IFT57: variants seen among roughly 807,000 people sequenced by gnomAD.
IFT57 encodes intraflagellar transport protein 57 homolog.
Under a neutral mutation model 56.8 loss-of-function variants are expected in IFT57, and 59 were observed. The observed-to-expected ratio is 1.04, with a 90% CI of 0.84 to 1.29. IFT57 has a LOEUF of 1.29. IFT57 is among the 50% of genes most tolerant of loss of function. The pLI is 0.00. For missense variants in IFT57, 470 were observed against 522.1 expected (o/e 0.90, Z 0.97); for synonymous variants, 209 against 186.1 (o/e 1.12, Z -1.00).
rs954011813 is a variant in IFT57 at position 108,175,062 on chromosome 3, G to T, written c.778-7198C>A. On this transcript the variant is annotated intron_variant, in intron 6 of 10. Coordinates refer to ENST00000264538, the MANE Select transcript of IFT57 (RefSeq NM_018010.4). ...GCAATCTCAAAACAGTGTATTTTCC[G>T]CATATTACATAATGCTTTTTTGGGG... Among the ~76,000 whole-genome samples the T allele has an allele frequency of 2.0e-5, 3 of 151,716 alleles. No homozygotes were observed. In the South Asian group the frequency reaches 6.2e-4, roughly 32 times the overall value.
Position 108,170,073 on chromosome 3 carries a change from C to T in IFT57, c.778-2209G>A, listed in dbSNP as rs576269421. Among the ~76,000 whole-genome samples, 133 of 152,112 alleles carry T rather than the reference C, an allele frequency of 8.7e-4. 2 individuals are homozygous for T. The highest frequency in any genetic ancestry group is 1.8e-3 in the Admixed American group (27 of 15,258). On this transcript the variant is annotated intron_variant, in intron 6 of 10. Transcript: ENST00000264538. The stretch of plus-strand genomic sequence containing the variant: ...AATGGGCAAAAGCTGGAAGCATTCC[C>T]TTTGAAAACCGGAAAAAGACAAGCA...
intron 9 of IFT57, 54 bp from the exon 10 acceptor site, chr3:108,163,783 T>A: frequency 8.9e-7 from 1 of 1,127,310 alleles, no homozygotes; most frequent in South Asian, 1.3e-5. Context: ...CTTTCACAAT[T>A]TTTGAATTAT....
intron 3 of IFT57, among the ~76,000 whole-genome samples, chr3:108,214,761 T>G (rs1054744613): frequency 6.6e-6 from 1 of 152,170 alleles, no homozygotes; most frequent in South Asian, 2.1e-4. Context: ...AGGTGAAATG[T>G]CTATTTATAC....
chr3:108,205,236 T>C (rs1486687900), intron 5 of IFT57, among the ~76,000 whole-genome samples: 1 of 152,144 alleles, frequency 6.6e-6, no homozygotes, highest in Non-Finnish European at 1.5e-5. Context: ...GATATTATTA[T>C]AGTGTTTTAC....
At chr3:108,186,250 T>C (rs1267947467) in intron 6 of IFT57, among the ~76,000 whole-genome samples, 2 of 151,450 alleles carry the variant, frequency 1.3e-5, no homozygotes, top group African/African-American at 4.9e-5. Flanking sequence ...CTGTGCCAGA[T>C]GTTGTGCAGG....
rs1204278117 is a variant in IFT57 at position 108,187,954 on chromosome 3, T to TTA, written c.777+3566_777+3567insTA. Among the ~76,000 whole-genome samples, 23 of 152,028 alleles carry TTA rather than the reference T, an allele frequency of 1.5e-4. No individual in the cohort carries two copies. The South Asian group carries it at 1.7e-3, about 11-fold the overall frequency. The stretch of plus-strand genomic sequence containing the variant: ...AACAAAGGTTTTTGTTTTTTTTTTT[T>TTA]ATACTTTAAGTTTCAGGGTACATGT... On this transcript the variant is annotated intron_variant, in intron 6 of 10. Coordinates refer to ENST00000264538, the MANE Select transcript of IFT57 (RefSeq NM_018010.4).
intron 6 of IFT57, among the ~76,000 whole-genome samples, chr3:108,189,617 C>A (rs2080203969): frequency 6.6e-6 from 1 of 151,958 alleles, no homozygotes; most frequent in Non-Finnish European, 1.5e-5. Context: ...GTCTCTTTAG[C>A]CCCTTTTGTA....
chr3:108,218,910 CTTAT>C (rs1427656468), intron 2 of IFT57, among the ~76,000 whole-genome samples: 4 of 152,036 alleles, frequency 2.6e-5, no homozygotes, highest in Non-Finnish European at 5.9e-5. Flanking sequence ...AATTATTGAT[CTTAT>C]TAGAGTGAAA....
intron 8 of IFT57, 41 bp from the exon 9 acceptor site, chr3:108,165,534 A>C: frequency 6.6e-7 from 1 of 1,516,572 alleles, no homozygotes; most frequent in Non-Finnish European, 9.2e-7. Context: ...AATTCAAAGC[A>C]GCAGCAGATT....
chr3:108,222,085 G>A (rs1353235821), intron 1 of IFT57, 26 bp downstream of exon 1: 4 of 1,567,100 alleles, frequency 2.6e-6, no homozygotes, highest in Admixed American at 3.7e-5. Flanking sequence ...GCAGGCACCC[G>A]GGCGCTCGGG....
chr3:108,208,021 C>T (rs2080322716), intron 4 of IFT57, among the ~76,000 whole-genome samples: 2 of 144,484 alleles, frequency 1.4e-5, no homozygotes, highest in South Asian at 2.2e-4. Flanking sequence ...CCAGCCTGGG[C>T]GACAGAGCGA....
chr3:108,219,214 C>A (rs2080391275), intron 2 of IFT57, among the ~76,000 whole-genome samples, 196 bp downstream of exon 2: 1 of 151,594 alleles, frequency 6.6e-6, no homozygotes. Flanking sequence ...TTACTTTGGA[C>A]TAATAAAGAG....
chr3:108,170,761 G>A (rs2080088333), intron 6 of IFT57, among the ~76,000 whole-genome samples: 1 of 150,270 alleles, frequency 6.7e-6, no homozygotes, highest in South Asian at 2.1e-4. Context: ...ATGCTACAAG[G>A]CTACAGTAAC....
At chr3:108,170,592 T>G (rs929652836) in intron 6 of IFT57, among the ~76,000 whole-genome samples, 23 of 151,734 alleles carry the variant, frequency 1.5e-4, no homozygotes, top group African/African-American at 5.6e-4. Context: ...ATTTATAGAT[T>G]CAATGCTTTT....
chr3:108,204,715 C>CA (rs1170145906), intron 5 of IFT57, among the ~76,000 whole-genome samples: 1 of 152,188 alleles, frequency 6.6e-6, no homozygotes, highest in Non-Finnish European at 1.5e-5. Flanking sequence ...AGGCAGGAAT[C>CA]AAAACATATC....
chr3:108,177,505 T>A (rs1577049563), intron 6 of IFT57, among the ~76,000 whole-genome samples: 2 of 151,800 alleles, frequency 1.3e-5, no homozygotes, highest in Admixed American at 1.3e-4. Flanking sequence ...GAGGATAATA[T>A]ATCATAATCA....
At chr3:108,176,993 C>T (rs886341356) in intron 6 of IFT57, among the ~76,000 whole-genome samples, 12 of 151,734 alleles carry the variant, frequency 7.9e-5, no homozygotes, top group African/African-American at 2.7e-4. Context: ...AGACTGTAAA[C>T]TCACACAGGT....
intron 5 of IFT57, among the ~76,000 whole-genome samples, chr3:108,201,061 G>A (rs2080276229): frequency 6.6e-6 from 1 of 152,082 alleles, no homozygotes. Context: ...AACAAGACTG[G>A]GTAGAATTAT....
chr3:108,196,171 GTT>G (rs1444124814), intron 5 of IFT57, among the ~76,000 whole-genome samples: 1 of 152,030 alleles, frequency 6.6e-6, no homozygotes, highest in Non-Finnish European at 1.5e-5. Flanking sequence ...ATAAAAATAA[GTT>G]TGATTTATGG....
Sources: gnomAD v4.1 joint callset for allele counts (sites outside exome capture counted in the v4.1 genomes callset) on GRCh38, gnomAD v4.1.1 for gene constraint, MANE v1.5 for transcripts, NCBI Gene and HGNC (gene_info 2026-07-23, HGNC 2026-07-21) for gene names.